The following ZNF595 variants were observed in gnomAD, a reference collection of about 807,000 sequenced individuals.
The protein encoded by ZNF595 is zinc finger protein 595.
A neutral mutation model predicts 19.4 loss-of-function variants in ZNF595; 9 were observed. The ratio of observed to expected loss-of-function variants is 0.46; its 90% CI spans 0.28 to 0.81. The LOEUF (loss-of-function observed/expected upper bound fraction) is 0.81, where lower values mean the gene tolerates loss of function less well. Ranked by LOEUF, ZNF595 falls within the 30% of genes least tolerant of loss-of-function variation. ZNF595 has a pLI of 0.11. For missense variants in ZNF595, 729 were observed against 736.0 expected, an observed-to-expected ratio of 0.99 and a Z score of 0.11; for synonymous variants, 255 against 255.9, an observed-to-expected ratio of 1.00 and a Z score of 0.03.
intron 3 of ZNF595, among the ~76,000 whole-genome samples, chr4:78,590 G>A (rs1014348555): frequency 2.6e-5 from 4 of 152,124 alleles, no homozygotes; most frequent in East Asian, 1.9e-4. Flanking sequence ...CCACCTATTC[G>A]ATTATATGTT....
At chr4:71,963 G>T (rs1553797942) in intron 3 of ZNF595, among the ~76,000 whole-genome samples, 1 of 152,122 alleles carries the variant, frequency 6.6e-6, no homozygotes, top group East Asian at 1.9e-4. Flanking sequence ...AGAGGCCCTT[G>T]GGAGGGTGGT....
intron 1 of ZNF595, among the ~76,000 whole-genome samples, chr4:55,153 C>T (rs1482838583): frequency 6.6e-6 from 1 of 151,954 alleles, no homozygotes; most frequent in Non-Finnish European, 1.5e-5. Flanking sequence ...TGCCAAAGTG[C>T]TGGGATTACA....
chr4:87,617 T>A lies in ZNF595; in HGVS notation c.*166T>A. ...TCATGGCTTATTTGGATTATTTTGA[T>A]ACAGGCATATGACATGTAATTATCA... On this transcript the variant is annotated 3_prime_UTR_variant, in exon 4 of 4. Coordinates refer to ENST00000610261, the MANE Select transcript of ZNF595 (RefSeq NM_182524.4). The A allele has an allele frequency of 3.7e-6, 2 of 539,016 alleles. No individual in the cohort carries two copies. The highest frequency in any genetic ancestry group is 6.1e-6 in the Non-Finnish European group (2 of 327,368). 33.4% of individuals were successfully genotyped at this position (539,016 alleles called of 1,614,324 possible). A position where few individuals can be genotyped will look rare whatever the true frequency, so the allele number is the denominator to read the frequency against.
chr4:83,513 A>G (rs1714004455), intron 3 of ZNF595, among the ~76,000 whole-genome samples: 2 of 150,850 alleles, frequency 1.3e-5, no homozygotes, highest in African/African-American at 2.4e-5. Flanking sequence ...CCAGCTACTC[A>G]GGAGGCCAAG....
At chr4:60,940 G>C (rs1464722832) in intron 3 of ZNF595, among the ~76,000 whole-genome samples, 2 of 152,214 alleles carry the variant, frequency 1.3e-5, no homozygotes, top group African/African-American at 4.8e-5. Flanking sequence ...TGGCTTCCCT[G>C]GGCCACATTG....
chr4:79,673 T>TTG (rs1455183108), intron 3 of ZNF595, among the ~76,000 whole-genome samples: 1 of 144,206 alleles, frequency 6.9e-6, no homozygotes, highest in Admixed American at 7.2e-5. Context: ...TCCAGCTTTG[T>TTG]TGTTTTTTTT....
At chr4:83,291 C>T (rs1263132133) in intron 3 of ZNF595, among the ~76,000 whole-genome samples, 1 of 151,918 alleles carries the variant, frequency 6.6e-6, no homozygotes, top group Non-Finnish European at 1.5e-5. Context: ...TTTTCAGTCT[C>T]CTTTAATCAT....
intron 3 of ZNF595, chr4:60,519 A>T (rs1712807611): frequency 2.2e-6 from 1 of 450,980 alleles, no homozygotes; most frequent in Non-Finnish European, 4.3e-6. Context: ...ATCATGCCTA[A>T]AATACGTAAG....
At position 82,372 on chromosome 4, in the gene ZNF595, G is replaced by GTTTTTTT. The variant is rs34932652; in HGVS notation, c.227-3337_227-3331dup. On this transcript the variant is annotated intron_variant, in intron 3 of 3. Coordinates refer to ENST00000610261, the MANE Select transcript of ZNF595 (RefSeq NM_182524.4). ...CAAAAGTCCATTTTTTTGGTTTGTG[G>GTTTTTTT]TTTTTTTTTTTTTTTTTTTTTTTTT... Among the ~76,000 whole-genome samples, 79 of 85,918 alleles carry GTTTTTTT rather than the reference G, an allele frequency of 9.2e-4. 3 individuals carry two copies. Among genetic ancestry groups the GTTTTTTT allele is most frequent in the Non-Finnish European group, 1.4e-3 (61 of 42,872 alleles). The allele number at this position is 85,918 out of a possible 152,430, so 56.4% of individuals were successfully genotyped here.
At chr4:77,195 T>C (rs1462244858) in intron 3 of ZNF595, among the ~76,000 whole-genome samples, 2 of 152,068 alleles carry the variant, frequency 1.3e-5, no homozygotes, top group Non-Finnish European at 1.5e-5. Context: ...TGACTTTTTT[T>C]CTGTATAACT....
At chr4:76,134 T>G (rs1699965202) in intron 3 of ZNF595, among the ~76,000 whole-genome samples, 1 of 152,164 alleles carries the variant, frequency 6.6e-6, no homozygotes, top group African/African-American at 2.4e-5. Context: ...GCTCAAACAA[T>G]TCACCTGCTT....
At chr4:74,984 A>G (rs1553798457) in intron 3 of ZNF595, among the ~76,000 whole-genome samples, 1 of 152,120 alleles carries the variant, frequency 6.6e-6, no homozygotes, top group African/African-American at 2.4e-5. Context: ...TATTTTGACA[A>G]ATTAGCCTTT....
chr4:80,196 A>G (rs1179450514), intron 3 of ZNF595, among the ~76,000 whole-genome samples: 2 of 152,170 alleles, frequency 1.3e-5, no homozygotes, highest in East Asian at 3.9e-4. Context: ...CTAATTTTGT[A>G]TTTTTAGTAG....
At position 82,371 on chromosome 4, in the gene ZNF595, G is replaced by GTT. The variant is rs1560092266; in HGVS notation, c.227-3360_227-3359insTT. ...ACAAAAGTCCATTTTTTTGGTTTGT[G>GTT]GTTTTTTTTTTTTTTTTTTTTTTTT... On this transcript the variant is annotated intron_variant, in intron 3 of 3. Coordinates refer to ENST00000610261, the MANE Select transcript of ZNF595 (RefSeq NM_182524.4). Among the ~76,000 whole-genome samples, 90 of 97,702 alleles carry GTT rather than the reference G, an allele frequency of 9.2e-4. 2 individuals carry two copies. The highest frequency in any genetic ancestry group is 2.3e-3 in the African/African-American group (62 of 27,396). The allele number at this position is 97,702 out of a possible 152,430, so 64.1% of individuals were successfully genotyped here.
In ZNF595 at chr4:86,240, CATAAGAAA is replaced by C. The variant is rs782615417; in HGVS notation, c.739_746del (p.Lys247SerfsTer10). 3.1e-6 allele frequency: 5 copies of C among 1,611,706 alleles called. No individual in the cohort carries two copies. The highest frequency in any genetic ancestry group is 4.2e-6 in the Non-Finnish European group (5 of 1,178,116). On this transcript the variant is annotated frameshift_variant, in exon 4 of 4. Transcript: ENST00000610261. LOFTEE classifies it low-confidence loss of function (END_TRUNC). ...TAGACGGTCCACAGTTCTGAACGAA[CATAAGAAA>C]ATTCATACTGGAGAGAAACCCTACA...
chr4:77,554 G>A (rs60994255), intron 3 of ZNF595, among the ~76,000 whole-genome samples: 20,578 of 151,954 alleles, frequency 0.14, 1,872 homozygotes, highest in Admixed American at 0.23. Context: ...GACTAGTTGG[G>A]AGGTAAATAC....
chr4:69,165 C>G (rs1553797498), intron 3 of ZNF595, among the ~76,000 whole-genome samples: 1 of 152,178 alleles, frequency 6.6e-6, no homozygotes, highest in African/African-American at 2.4e-5. Context: ...TTGATAGACA[C>G]TTAGATTGCT....
chr4:80,471 T>C (rs542290338), intron 3 of ZNF595, among the ~76,000 whole-genome samples: 2 of 152,324 alleles, frequency 1.3e-5, no homozygotes, highest in South Asian at 4.1e-4. Flanking sequence ...ATTTTTGTCA[T>C]GCGCATCCGT....
At chr4:82,348 A>G (rs552343795) in intron 3 of ZNF595, among the ~76,000 whole-genome samples, 14 of 150,748 alleles carry the variant, frequency 9.3e-5, no homozygotes, top group African/African-American at 3.4e-4. Flanking sequence ...TAATTTCTAC[A>G]AAAGTCCATT....
Sources: allele counts gnomAD v4.1 joint callset (sites outside exome capture counted in the v4.1 genomes callset), GRCh38; gene constraint gnomAD v4.1.1; transcripts MANE v1.5; gene names NCBI Gene and HGNC (gene_info 2026-07-23, HGNC 2026-07-21).